Variants in ASCC2 observed in about 807,000 individuals in gnomAD.
ASCC2 encodes the protein activating signal cointegrator 1 complex subunit 2.
A neutral mutation model predicts 93.5 loss-of-function variants in ASCC2; 42 were observed. The ratio of observed to expected loss-of-function variants is 0.45; its 90% CI spans 0.35 to 0.58. The LOEUF (loss-of-function observed/expected upper bound fraction) is 0.58, where lower values mean the gene tolerates loss of function less well. ASCC2 is among the 20% of genes least tolerant of loss of function. The pLI, the probability that ASCC2 is intolerant of heterozygous loss-of-function variation, is 0.00. For missense variants in ASCC2, 859 were observed against 977.6 expected, an observed-to-expected ratio of 0.88 and a Z score of 1.62; for synonymous variants, 364 against 384.2, an observed-to-expected ratio of 0.95 and a Z score of 0.62.
At chr22:29,804,322 A>G (rs2059425404) in intron 13 of ASCC2, among the ~76,000 whole-genome samples, 1 of 152,246 alleles carries the variant, frequency 6.6e-6, no homozygotes, top group African/African-American at 2.4e-5. Flanking sequence ...ACTTTTATCT[A>G]TTTAGAGGAG....
intron 18 of ASCC2, among the ~76,000 whole-genome samples, chr22:29,791,684 AAAC>A (rs968725048): frequency 1.2e-4 from 18 of 152,168 alleles, no homozygotes; most frequent in East Asian, 5.8e-4. Flanking sequence ...GCCATCTCCA[AAAC>A]AACAACAACA....
At position 29,793,563 on chromosome 22, in the gene ASCC2, C is replaced by T; in HGVS notation, c.1788+14G>A. 1 of 1,613,318 alleles carries T rather than the reference C, an allele frequency of 6.2e-7. No homozygotes were observed. Among genetic ancestry groups the T allele is most frequent in the South Asian group, 1.1e-5 (1 of 91,024 alleles). ...TTTCCCTGGCCCAGCAGAGACCTGG[C>T]CTTGGTGGCCTACCTCCTCCACCAC... On this transcript the variant is annotated intron_variant, in intron 16 of 19. Coordinates refer to ENST00000307790, the MANE Select transcript of ASCC2 (RefSeq NM_032204.5).
intron 1 of ASCC2, among the ~76,000 whole-genome samples, chr22:29,835,755 G>C (rs2063703892): frequency 6.6e-6 from 1 of 152,174 alleles, no homozygotes; most frequent in Admixed American, 6.5e-5. Context: ...GTCCCAACCA[G>C]AGGCAAGACA....
At chr22:29,806,401 G>A (rs1282180946) in intron 11 of ASCC2, 84 bp downstream of exon 11, 1 of 1,564,962 alleles carries the variant, frequency 6.4e-7, no homozygotes, top group Non-Finnish European at 8.8e-7. Context: ...AGCTGTGGTG[G>A]GCCTATAGCG....
At position 29,804,596 on chromosome 22, in the gene ASCC2, G is replaced by A. The variant is rs368579440; in HGVS notation, c.1353+42C>T. On this transcript the variant is annotated intron_variant, in intron 13 of 19. Coordinates refer to ENST00000307790, the MANE Select transcript of ASCC2 (RefSeq NM_032204.5). ...CCCCAGCCTCTCAGATAGGGCCAAGGAGGGACAAGCGAAGAGGGAAAAGCG... is the reference window on the plus strand; with the variant it reads ...CCCCAGCCTCTCAGATAGGGCCAAGAAGGGACAAGCGAAGAGGGAAAAGCG... 1.8e-5 allele frequency: 29 copies of A among 1,598,254 alleles called. No homozygotes were observed. The South Asian group carries it at 2.2e-4, about 12-fold the overall frequency.
At chr22:29,813,953 T>C (rs2060557567) in intron 7 of ASCC2, among the ~76,000 whole-genome samples, 2 of 152,242 alleles carry the variant, frequency 1.3e-5, no homozygotes, top group Admixed American at 6.5e-5. Context: ...AAACACTTTC[T>C]TCTAAGTTTC....
rs772104143 is a variant in ASCC2 at position 29,825,871 on chromosome 22, T to C, written c.82-91A>G. The C allele has an allele frequency of 6.9e-7, 1 of 1,452,166 alleles. No individual in the cohort carries two copies. Among genetic ancestry groups the C allele is most frequent in the Non-Finnish European group, 9.3e-7 (1 of 1,071,574 alleles). 90.0% of individuals were successfully genotyped at this position (1,452,166 alleles called of 1,614,324 possible). A position where few individuals can be genotyped will look rare whatever the true frequency, so the allele number is the denominator to read the frequency against. Reference sequence around the variant, plus strand: ...CACAGCAATGACAACACTTGGCTGTTCCAACCGGTGACCCTCCAAGGAGCT... The same window carrying C: ...CACAGCAATGACAACACTTGGCTGTCCCAACCGGTGACCCTCCAAGGAGCT... On this transcript the variant is annotated intron_variant, in intron 2 of 19. Transcript: ENST00000307790. The surrounding 1 kb of genome is among the most constrained non-coding windows in gnomAD (Gnocchi z 4.9).
Position 29,788,945 on chromosome 22 carries a change from C to G in ASCC2, c.*68G>C. 6.3e-7 allele frequency: 1 copy of G among 1,597,550 alleles called. No homozygotes were observed. On this transcript the variant is annotated 3_prime_UTR_variant, in exon 20 of 20. Transcript: ENST00000307790. The stretch of plus-strand genomic sequence containing the variant: ...AACTTGGGGCCCCTAGTGAGGAGGC[C>G]CCAGGCGATGGGAGCACGGCCTGGT...
chr22:29,811,740 T>C (rs2060300502), intron 8 of ASCC2, among the ~76,000 whole-genome samples: 1 of 152,196 alleles, frequency 6.6e-6, no homozygotes, highest in South Asian at 2.1e-4. Flanking sequence ...TCCCTTGCAG[T>C]AAAGTCAGCT....
intron 18 of ASCC2, 100 bp downstream of exon 18, chr22:29,792,333 G>C: frequency 6.5e-7 from 1 of 1,545,004 alleles, no homozygotes; most frequent in Non-Finnish European, 8.7e-7. Context: ...GTGATGCTGG[G>C]GCTGCCTCAG....
At chr22:29,805,352 C>A (rs1488301862) in intron 12 of ASCC2, among the ~76,000 whole-genome samples, 2 of 152,200 alleles carry the variant, frequency 1.3e-5, no homozygotes, top group Admixed American at 6.5e-5. Context: ...ATCTGAGAGT[C>A]CCCTTAGACT....
chr22:29,804,599 G>A, intron 13 of ASCC2, 39 bp downstream of exon 13: 1 of 1,599,496 alleles, frequency 6.3e-7, no homozygotes. Flanking sequence ...GGCCAAGGAG[G>A]GACAAGCGAA....
intron 7 of ASCC2, among the ~76,000 whole-genome samples, chr22:29,814,368 C>T (rs2060599666): frequency 6.6e-6 from 1 of 152,244 alleles, no homozygotes; most frequent in Non-Finnish European, 1.5e-5. Flanking sequence ...ATGAATAACG[C>T]ACAAGTGAAC....
At chr22:29,819,660 C>T (rs1443835404) in intron 5 of ASCC2, among the ~76,000 whole-genome samples, 1 of 152,150 alleles carries the variant, frequency 6.6e-6, no homozygotes, top group African/African-American at 2.4e-5. Context: ...CAATACCACT[C>T]CCCAAGTGCT....
intron 15 of ASCC2, among the ~76,000 whole-genome samples, chr22:29,796,750 T>C (rs1159951272): frequency 6.6e-6 from 1 of 152,158 alleles, no homozygotes; most frequent in African/African-American, 2.4e-5. Flanking sequence ...TAGGTGCCAC[T>C]GGTAGGAGCA....
intron 18 of ASCC2, 41 bp from the exon 19 acceptor site, chr22:29,790,589 G>A: frequency 1.9e-6 from 3 of 1,596,452 alleles, no homozygotes; most frequent in Non-Finnish European, 2.6e-6. Flanking sequence ...GTCAGGAGCT[G>A]CCACATTTTC....
At chr22:29,789,742 T>G (rs753923049) in intron 19 of ASCC2, among the ~76,000 whole-genome samples, 1 of 152,202 alleles carries the variant, frequency 6.6e-6, no homozygotes, top group African/African-American at 2.4e-5. Flanking sequence ...GCCTTCAGAA[T>G]GAAATCCAAA....
At chr22:29,817,079 A>T (rs1306916347) in intron 5 of ASCC2, among the ~76,000 whole-genome samples, 2 of 152,186 alleles carry the variant, frequency 1.3e-5, no homozygotes, top group African/African-American at 4.8e-5. Flanking sequence ...GGGCTGGGTG[A>T]GTAAGCAAGT....
At chr22:29,822,583 T>A in intron 4 of ASCC2, 119 bp from the exon 5 acceptor site, 1 of 1,216,432 alleles carries the variant, frequency 8.2e-7, no homozygotes, top group South Asian at 1.4e-5. Flanking sequence ...AATGATGCCT[T>A]ATGCATAGAC....
Sources: allele counts gnomAD v4.1 joint callset (sites outside exome capture counted in the v4.1 genomes callset), GRCh38; gene constraint gnomAD v4.1.1; non-coding constraint Gnocchi (gnomAD v3.1); transcripts MANE v1.5; gene names NCBI Gene and HGNC (gene_info 2026-07-23, HGNC 2026-07-21).